The following TAB1 variants were observed in gnomAD, a reference collection of about 807,000 sequenced individuals.
The protein encoded by TAB1 is TGF-beta activated kinase 1 (MAP3K7) binding protein 1.
TAB1 carries 30 observed loss-of-function variants against 54.5 expected under a neutral mutation model. That is an observed-to-expected ratio of 0.55 (90% CI 0.41 to 0.75). The LOEUF is 0.75. Ranked by LOEUF, TAB1 falls within the 30% of genes least tolerant of loss-of-function variation. The probability of loss-of-function intolerance (pLI) is 0.00; values close to 1 mark genes in which losing one functional copy is unlikely to be tolerated. For missense variants in TAB1, 609 were observed against 683.2 expected (o/e 0.89, Z 1.21); for synonymous variants, 289 against 286.9 (o/e 1.01, Z -0.07).
At chr22:39,402,621 C>T (rs1275655752) in intron 1 of TAB1, among the ~76,000 whole-genome samples, 1 of 151,594 alleles carries the variant, frequency 6.6e-6, no homozygotes, top group African/African-American at 2.4e-5. Flanking sequence ...GGTGTGATCT[C>T]GGCTCACTGC....
At position 39,416,858 on chromosome 22, in the gene TAB1, T is replaced by A. The variant is rs777486788; in HGVS notation, c.392T>A (p.Leu131His). 2 of 1,614,190 alleles carry A rather than the reference T, an allele frequency of 1.2e-6. No homozygotes were observed. Among genetic ancestry groups the A allele is most frequent in the South Asian group, 1.1e-5 (1 of 91,084 alleles). The change falls in exon 4 of 11, where the codon CTC becomes CAC. Residue 131 changes from leucine to histidine, a missense_variant. Transcript: ENST00000216160. The part of the protein sequence containing the change: ...IDDALAEKAS[L>H]QSQLPEGVPQ... ...GACGCCTTGGCTGAGAAGGCAAGCC[T>A]CCAGTCGCAATTGCCAGAGGTAATT...
At position 39,430,537 on chromosome 22, in the gene TAB1, G is replaced by C; in HGVS notation, c.*315G>C. ...CCTGCAAGCCGCCCGAGCCTCCCCA[G>C]CAGCCTCCTACAGAGCAGGAAGAGG... On this transcript the variant is annotated 3_prime_UTR_variant, in exon 11 of 11. Transcript: ENST00000216160. 8.0e-7 allele frequency: 1 copy of C among 1,257,466 alleles called. No homozygotes were observed. The allele number at this position is 1,257,466 out of a possible 1,614,324, so 77.9% of individuals were successfully genotyped here. A position where few individuals can be genotyped will look rare whatever the true frequency, so the allele number is the denominator to read the frequency against.
intron 6 of TAB1, among the ~76,000 whole-genome samples, 198 bp downstream of exon 6, chr22:39,419,043 G>A (rs750632527): frequency 5.9e-5 from 9 of 152,228 alleles, no homozygotes; most frequent in Non-Finnish European, 1.0e-4. Flanking sequence ...CAGATCCCCC[G>A]CTGTGTAATG....
At chr22:39,429,829 G>T in intron 10 of TAB1, 186 bp from the exon 11 acceptor site, 1 of 985,410 alleles carries the variant, frequency 1.0e-6, no homozygotes, top group Non-Finnish European at 1.2e-6. Context: ...TGCATCTGGT[G>T]CTTTAAAATT....
chr22:39,416,600 C>T (rs991737231), intron 3 of TAB1, 191 bp from the exon 4 acceptor site: 12 of 619,064 alleles, frequency 1.9e-5, no homozygotes, highest in Non-Finnish European at 2.9e-5. Context: ...TTGTCAAAGA[C>T]ATTGATCTGC....
chr22:39,431,313 G>C lies in TAB1; in HGVS notation c.*1091G>C. 1.0e-6 allele frequency: 1 copy of C among 985,602 alleles called. No homozygotes were observed. Among genetic ancestry groups the C allele is most frequent in the Non-Finnish European group, 1.2e-6 (1 of 830,104 alleles). The allele number at this position is 985,602 out of a possible 1,614,324, so 61.1% of individuals were successfully genotyped here. On this transcript the variant is annotated 3_prime_UTR_variant, in exon 11 of 11. Transcript: ENST00000216160. ...GGGAGGGGGTGCCACCAGGGCTGTC[G>C]GCCAGGATTGCCACTCCTGTTTCAG...
At chr22:39,416,619 G>T in intron 3 of TAB1, 172 bp from the exon 4 acceptor site, 1 of 657,726 alleles carries the variant, frequency 1.5e-6, no homozygotes, top group Admixed American at 2.5e-5. Context: ...GCAGGAAGCA[G>T]CCGGTGCCTT....
At chr22:39,400,215 C>T (rs1321689992) in intron 1 of TAB1, among the ~76,000 whole-genome samples, 2 of 152,222 alleles carry the variant, frequency 1.3e-5, no homozygotes, top group Non-Finnish European at 2.9e-5. Flanking sequence ...TACTGCATCC[C>T]CGGCGTTGTG....
chr22:39,406,790 GCCCA>G (rs1569193308), intron 1 of TAB1, among the ~76,000 whole-genome samples: 1 of 151,922 alleles, frequency 6.6e-6, no homozygotes, highest in Non-Finnish European at 1.5e-5. Context: ...CCACCACCAC[GCCCA>G]CCTAATTTTT....
chr22:39,415,784 G>A lies in TAB1; in HGVS notation c.324+131G>A. 8.1e-7 allele frequency: 1 copy of A among 1,231,534 alleles called. No individual in the cohort carries two copies. 76.3% of individuals were successfully genotyped at this position (1,231,534 alleles called of 1,614,324 possible). ...CCGGCCCCTTCACCCCAGTAGAGGA[G>A]CAGCTCCCAGCGTAGGCCCCCCCAC... On this transcript the variant is annotated intron_variant, in intron 3 of 10. Transcript: ENST00000216160. The surrounding 1 kb of genome is among the most constrained non-coding windows in gnomAD (Gnocchi z 4.9).
intron 8 of TAB1, among the ~76,000 whole-genome samples, chr22:39,425,237 T>G (rs1927268297): frequency 1.3e-5 from 2 of 150,564 alleles, no homozygotes; most frequent in East Asian, 3.9e-4. Context: ...AAAAAAATTA[T>G]CTGGTGCATA....
rs200579696 is a variant in TAB1, at chr22:39,413,420, AT to A, written c.34-1573del. Among the ~76,000 whole-genome samples the A allele has an allele frequency of 1.0e-2, 1,437 of 144,228 alleles. 16 individuals are homozygous for A. The highest frequency in any genetic ancestry group is 0.031 in the South Asian group (144 of 4,592). 94.6% of individuals were successfully genotyped at this position (144,228 alleles called of 152,430 possible). A position where few individuals can be genotyped will look rare whatever the true frequency, so the allele number is the denominator to read the frequency against. On this transcript the variant is annotated intron_variant, in intron 1 of 10. Coordinates refer to ENST00000216160, the MANE Select transcript of TAB1 (RefSeq NM_006116.3). Reference sequence around the variant, plus strand: ...ATATTTCAATAAAGCTTTCAATACAATTTTTTTTTTTTTGAGACAGAATCTC... The same window carrying A: ...ATATTTCAATAAAGCTTTCAATACAATTTTTTTTTTTTGAGACAGAATCTC...
intron 10 of TAB1, chr22:39,429,397 G>A (rs1414385409): frequency 3.1e-6 from 3 of 983,258 alleles, no homozygotes; most frequent in South Asian, 4.7e-5. Context: ...CTGTGATGAC[G>A]GGAGTGCTCG....
At chr22:39,432,626 G>A (rs1319134003), downstream of TAB1, 1 of 500,280 alleles carries the variant, frequency 2.0e-6, no homozygotes. Context: ...TGGAGCTTTG[G>A]TGTCAGCCCT....
chr22:39,414,566 C>A (rs1335879516), intron 1 of TAB1, among the ~76,000 whole-genome samples: 1 of 152,228 alleles, frequency 6.6e-6, no homozygotes, highest in Non-Finnish European at 1.5e-5. Context: ...GGGCCCTGCC[C>A]AGATCAGTCA....
At chr22:39,426,994 C>T in intron 9 of TAB1, 69 bp downstream of exon 9, 1 of 1,497,728 alleles carries the variant, frequency 6.7e-7, no homozygotes, top group Non-Finnish European at 9.0e-7. Flanking sequence ...GTGCAGAGCC[C>T]CCGAGGCTGC....
At chr22:39,401,960 G>A (rs1358915610) in intron 1 of TAB1, among the ~76,000 whole-genome samples, 1 of 152,186 alleles carries the variant, frequency 6.6e-6, no homozygotes, top group Admixed American at 6.5e-5. Flanking sequence ...ATGAGGCGTG[G>A]TGCCCACCCT....
chr22:39,408,042 C>G (rs1390449982), intron 1 of TAB1, among the ~76,000 whole-genome samples: 1 of 152,134 alleles, frequency 6.6e-6, no homozygotes, highest in African/African-American at 2.4e-5. Flanking sequence ...GTGTTTTTAC[C>G]AAGAATGGAC....
At position 39,415,209 on chromosome 22, in the gene TAB1, C is replaced by G; in HGVS notation, c.170+67C>G. 6.6e-7 allele frequency: 1 copy of G among 1,511,388 alleles called. No homozygotes were observed. The highest frequency in any genetic ancestry group is 8.9e-7 in the Non-Finnish European group (1 of 1,123,914). 93.6% of individuals were successfully genotyped at this position (1,511,388 alleles called of 1,614,324 possible). ...TTGGTTTGCAAGCAAGGAAAGACAC[C>G]GACCTTGCAGCTTTCTCGTATGGGC... On this transcript the variant is annotated intron_variant, in intron 2 of 10. Transcript: ENST00000216160. This position sits in a 1 kb window ranked among gnomAD's most constrained non-coding sequence, Gnocchi z 4.9.
Sources: gnomAD v4.1 joint callset for allele counts (sites outside exome capture counted in the v4.1 genomes callset) on GRCh38, gnomAD v4.1.1 for gene constraint, Gnocchi (gnomAD v3.1) non-coding constraint, MANE v1.5 for transcripts, NCBI Gene and HGNC (gene_info 2026-07-23, HGNC 2026-07-21) for gene names.